The following CUEDC1 variants were observed in gnomAD, a reference collection of about 807,000 sequenced individuals.
CUEDC1 encodes CUE domain-containing protein 1.
A neutral mutation model predicts 43.7 loss-of-function variants in CUEDC1; 30 were observed. The observed-to-expected ratio is 0.69, with a 90% CI of 0.51 to 0.93. The LOEUF is 0.93. Among genes scored for constraint, CUEDC1 ranks in the 40% least tolerant of loss-of-function variants. CUEDC1 has a pLI of 0.00. For missense variants in CUEDC1, 486 were observed against 549.0 expected, an observed-to-expected ratio of 0.89 and a Z score of 1.15; for synonymous variants, 223 against 223.6, an observed-to-expected ratio of 1.00 and a Z score of 0.02.
At chr17:57,911,500 TC>T (rs2074582750) in intron 1 of CUEDC1, among the ~76,000 whole-genome samples, 1 of 152,122 alleles carries the variant, frequency 6.6e-6, no homozygotes, top group African/African-American at 2.4e-5. Flanking sequence ...CTCTCTTTTT[TC>T]TTTTTTCTTT....
chr17:57,878,815 C>T (rs189230117), intron 3 of CUEDC1, among the ~76,000 whole-genome samples: 15 of 152,186 alleles, frequency 9.9e-5, no homozygotes, highest in African/African-American at 2.9e-4. Flanking sequence ...TACAGGCATG[C>T]GCCACCACCC....
intron 1 of CUEDC1, chr17:57,912,511 C>CAT (rs1348916542): frequency 6.6e-6 from 1 of 152,090 alleles, no homozygotes; most frequent in Non-Finnish European, 1.5e-5. Flanking sequence ...CTGAAGAGAT[C>CAT]ATAGATTCTG....
intron 1 of CUEDC1, among the ~76,000 whole-genome samples, chr17:57,894,230 T>G (rs1597990335): frequency 6.6e-6 from 1 of 151,978 alleles, no homozygotes; most frequent in African/African-American, 2.4e-5. Context: ...CCGGCAGGGG[T>G]GAGGCTGGGG....
intron 1 of CUEDC1, among the ~76,000 whole-genome samples, chr17:57,920,144 T>C (rs2143104755): frequency 6.6e-6 from 1 of 152,310 alleles, no homozygotes; most frequent in Non-Finnish European, 1.5e-5. Flanking sequence ...GTCTTTTTGA[T>C]TCCAGTGACT....
chr17:57,950,542 T>A (rs2585830), intron 1 of CUEDC1, among the ~76,000 whole-genome samples: 10 of 150,784 alleles, frequency 6.6e-5, no homozygotes, highest in Non-Finnish European at 1.0e-4. Context: ...CTGTGATCTC[T>A]GCTCACTGAA....
chr17:57,887,116 C>T (rs192647960), intron 1 of CUEDC1, among the ~76,000 whole-genome samples: 1 of 152,198 alleles, frequency 6.6e-6, no homozygotes, highest in East Asian at 1.9e-4. Context: ...CCACCGTGCC[C>T]GGCCATAAAT....
intron 3 of CUEDC1, among the ~76,000 whole-genome samples, chr17:57,874,692 A>C (rs1373435541): frequency 6.6e-6 from 1 of 152,192 alleles, no homozygotes; most frequent in Non-Finnish European, 1.5e-5. Context: ...CTGAGAAGGC[A>C]GCCGAGGGCC....
rs528712450 is a variant in CUEDC1, at chr17:57,866,495, G to A, written c.1143C>T (p.Gly381=). The part of the protein sequence containing the change: ...RRQEAPKVEE[G]LREGQ ...TTACCTCTTACTGTCCTTCTCGCAG[G>A]CCTTCCTCCACCTTGGGTGCCTCCT... The change falls in exon 10 of 11, where the codon GGC becomes GGT. Residue 381 remains glycine, a synonymous_variant. Transcript: ENST00000577830. 7.4e-6 allele frequency: 12 copies of A among 1,614,182 alleles called. No individual in the cohort carries two copies. In the African/African-American group the frequency reaches 1.5e-4, roughly 20 times the overall value.
intron 10 of CUEDC1, 136 bp downstream of exon 10, chr17:57,866,338 G>A (rs2073957224): frequency 7.4e-6 from 5 of 675,304 alleles, no homozygotes. Flanking sequence ...CAACTATGAG[G>A]GAAGACACGT....
At chr17:57,908,461 C>T (rs552254375) in intron 1 of CUEDC1, among the ~76,000 whole-genome samples, 8 of 152,286 alleles carry the variant, frequency 5.3e-5, no homozygotes, top group Admixed American at 1.3e-4. Context: ...CCCAGGGGCA[C>T]GGTTTCCTGA....
chr17:57,908,069 C>T (rs2074546842), intron 1 of CUEDC1, among the ~76,000 whole-genome samples: 1 of 151,764 alleles, frequency 6.6e-6, no homozygotes, highest in Non-Finnish European at 1.5e-5. Flanking sequence ...GCATCAGGTT[C>T]TTTTTGAGAC....
chr17:57,869,957 T>C (rs1232137507), intron 6 of CUEDC1: 2 of 152,270 alleles, frequency 1.3e-5, no homozygotes, highest in African/African-American at 4.8e-5. Flanking sequence ...CTCTAGTTAA[T>C]TCAGGATCAA....
At chr17:57,906,345 G>A (rs2074529714) in intron 1 of CUEDC1, among the ~76,000 whole-genome samples, 1 of 152,234 alleles carries the variant, frequency 6.6e-6, no homozygotes, top group South Asian at 2.1e-4. Context: ...CTAAGTGACA[G>A]AAGCCAGACA....
intron 3 of CUEDC1, among the ~76,000 whole-genome samples, chr17:57,878,663 T>C (rs2074162876): frequency 6.6e-6 from 1 of 151,664 alleles, no homozygotes; most frequent in Admixed American, 6.6e-5. Context: ...TATTTATTTA[T>C]TTATTTATTT....
rs899285285 is a variant in CUEDC1, at chr17:57,866,190, A to C, written c.*3+284T>G. The stretch of plus-strand genomic sequence containing the variant: ...GGACTGTCTTCTCAACTGGACTGTA[A>C]ACTCTTCAAGGTCAAAGCTGATTTT... On this transcript the variant is annotated intron_variant, in intron 10 of 10. Coordinates refer to ENST00000577830, the MANE Select transcript of CUEDC1 (RefSeq NM_001271875.2). Among the ~76,000 whole-genome samples the C allele has an allele frequency of 2.6e-5, 4 of 152,146 alleles. 1 individual carries two copies. In the South Asian group the frequency reaches 8.3e-4, roughly 32 times the overall value.
At chr17:57,894,222 G>A (rs553740215) in intron 1 of CUEDC1, among the ~76,000 whole-genome samples, 4 of 152,168 alleles carry the variant, frequency 2.6e-5, no homozygotes, top group South Asian at 2.1e-4. Flanking sequence ...CAGAGCTGCC[G>A]GCAGGGGTGA....
intron 1 of CUEDC1, among the ~76,000 whole-genome samples, chr17:57,897,896 T>C (rs1479757180): frequency 1.3e-5 from 2 of 151,862 alleles, no homozygotes; most frequent in Non-Finnish European, 2.9e-5. Flanking sequence ...GCCTGTAATC[T>C]CAGCGACTCA....
At chr17:57,935,109 G>A (rs553638789) in intron 1 of CUEDC1, among the ~76,000 whole-genome samples, 3 of 152,276 alleles carry the variant, frequency 2.0e-5, no homozygotes, top group African/African-American at 7.2e-5. Context: ...TCAAGTGCCC[G>A]CAATCAGCTT....
rs559155578 is a variant in CUEDC1, at chr17:57,897,437, G to T, written c.-315-11558C>A. On this transcript the variant is annotated intron_variant, in intron 1 of 10. Transcript: ENST00000577830. ...TGTAATCCCAGCACTTTCGGAGGCC[G>T]AGGCAGGTGGATCACAAGGTAGGGA... is the stretch of plus-strand genomic sequence containing the variant. Among the ~76,000 whole-genome samples, 793 of 152,160 alleles carry T rather than the reference G, an allele frequency of 5.2e-3. 3 individuals carry two copies. Among genetic ancestry groups the T allele is most frequent in the African/African-American group, 0.017 (702 of 41,508 alleles).
Sources: gnomAD v4.1 joint callset for allele counts (sites outside exome capture counted in the v4.1 genomes callset) on GRCh38, gnomAD v4.1.1 for gene constraint, MANE v1.5 for transcripts, NCBI Gene and HGNC (gene_info 2026-07-23, HGNC 2026-07-21) for gene names.